CCL26: variants seen among roughly 807,000 people sequenced by gnomAD.
The protein encoded by CCL26 is C-C motif chemokine 26.
A neutral mutation model predicts 10.7 loss-of-function variants in CCL26; 10 were observed. The ratio of observed to expected loss-of-function variants is 0.93; its 90% CI spans 0.57 to 1.58. The LOEUF (loss-of-function observed/expected upper bound fraction) is 1.58. Among genes scored for constraint, CCL26 ranks in the 40% most tolerant of loss-of-function variants. The pLI is 0.00. For missense variants in CCL26, 116 were observed against 111.0 expected (o/e 1.05, Z -0.20); for synonymous variants, 43 against 41.4 (o/e 1.04, Z -0.15).
At chr7:75,779,572 TC>T (rs1334330118) in intron 1 of CCL26, among the ~76,000 whole-genome samples, 1 of 152,182 alleles carries the variant, frequency 6.6e-6, no homozygotes, top group East Asian at 1.9e-4. Context: ...TCAGTTCCTT[TC>T]CTTTTCTGGT....
At chr7:75,789,803 G>A (rs1343405171) in exon 1 of CCL26, 3 of 152,004 alleles carry the variant, frequency 2.0e-5, no homozygotes, top group Admixed American at 1.3e-4. Context: ...GGGATCTGCG[G>A]TACCCCTGGG....
chr7:75,789,406 T>TTCTC (rs145522312), intron 1 of CCL26, among the ~76,000 whole-genome samples: 1 of 150,114 alleles, frequency 6.7e-6, no homozygotes, highest in Admixed American at 6.6e-5. Flanking sequence ...ATGAGAATAT[T>TTCTC]TCTCTCTCTC....
At chr7:75,780,637 A>G (rs971944965) in intron 1 of CCL26, among the ~76,000 whole-genome samples, 2 of 152,010 alleles carry the variant, frequency 1.3e-5, no homozygotes, top group Admixed American at 1.3e-4. Flanking sequence ...TCTTTTACAC[A>G]TCAGTCCCTC....
At chr7:75,787,407 G>A (rs1413100019) in intron 1 of CCL26, among the ~76,000 whole-genome samples, 2 of 152,026 alleles carry the variant, frequency 1.3e-5, no homozygotes, top group African/African-American at 4.8e-5. Flanking sequence ...AACTTTGGGA[G>A]GCTGAGGCGG....
rs185206571 is a variant in CCL26, at chr7:75,789,374, G to A, written c.-79+343C>T. On this transcript the variant is annotated intron_variant, in intron 1 of 3. Coordinates refer to the CCL26 transcript ENST00000394905. ...AATATGGGAGCCATGGCCTCCCTAC[G>A]TTCTCTCCCTCCTTCCTTGAGATGA... 1.4e-4 allele frequency among the ~76,000 whole-genome samples: 21 copies of A among 151,646 alleles called. No individual in the cohort carries two copies. The East Asian group carries it at 1.7e-3, about 13-fold the overall frequency.
intron 2 of CCL26, among the ~76,000 whole-genome samples, chr7:75,771,588 T>G (rs1554528086): frequency 6.6e-6 from 1 of 152,188 alleles, no homozygotes; most frequent in African/African-American, 2.4e-5. Context: ...TGGTGGCATG[T>G]GCCTGTAATT....
chr7:75,780,247 C>A (rs1398221645), intron 1 of CCL26, among the ~76,000 whole-genome samples: 1 of 151,978 alleles, frequency 6.6e-6, no homozygotes, highest in Admixed American at 6.6e-5. Context: ...CATTCCCCAC[C>A]CCTTCTCTCC....
intron 1 of CCL26, among the ~76,000 whole-genome samples, chr7:75,782,067 G>T (rs1172344684): frequency 1.3e-5 from 2 of 152,140 alleles, no homozygotes; most frequent in African/African-American, 2.4e-5. Context: ...ATATCTCACT[G>T]ATTTAAAATT....
chr7:75,783,786 CA>C (rs1318162003), intron 1 of CCL26, among the ~76,000 whole-genome samples: 5,581 of 87,690 alleles, frequency 0.064, 114 homozygotes, highest in Middle Eastern at 0.14. Context: ...GACTCCAGCT[CA>C]AAAAAAAAAA....
At chr7:75,789,047 G>A (rs909698474) in intron 1 of CCL26, among the ~76,000 whole-genome samples, 5 of 150,948 alleles carry the variant, frequency 3.3e-5, no homozygotes, top group Non-Finnish European at 7.4e-5. Flanking sequence ...TTAGCCACCC[G>A]AGTAGCCAGG....
intron 1 of CCL26, among the ~76,000 whole-genome samples, chr7:75,787,781 C>G (rs1310256286): frequency 1.3e-5 from 2 of 151,874 alleles, no homozygotes; most frequent in Non-Finnish European, 2.9e-5. Flanking sequence ...TACACTAAAC[C>G]CCCTTGGACA....
intron 2 of CCL26, among the ~76,000 whole-genome samples, chr7:75,770,610 A>G (rs1387400034): frequency 1.3e-5 from 2 of 150,938 alleles, no homozygotes; most frequent in African/African-American, 4.9e-5. Flanking sequence ...CGAACTCCCA[A>G]CCTCAGGAGA....
chr7:75,781,641 GCCTGT>G lies in CCL26; in HGVS notation c.-79+8071_-79+8075del, dbSNP rs1317253561. Among the ~76,000 whole-genome samples, 3 of 152,132 alleles carry G rather than the reference GCCTGT, an allele frequency of 2.0e-5. No homozygotes were observed. In the South Asian group the frequency reaches 6.2e-4, roughly 32 times the overall value. On this transcript the variant is annotated intron_variant, in intron 1 of 3. Coordinates refer to the CCL26 transcript ENST00000394905. Reference sequence around the variant, plus strand: ...AACAATCACAAAAGAAGTGAAAATGGCCTGTTCCTGCCTTAACTGATGACATTACC... The same window carrying G: ...AACAATCACAAAAGAAGTGAAAATGGTCCTGCCTTAACTGATGACATTACC...
chr7:75,781,783 T>A (rs782567278), intron 1 of CCL26, among the ~76,000 whole-genome samples: 1 of 151,764 alleles, frequency 6.6e-6, no homozygotes, highest in Admixed American at 6.6e-5. Flanking sequence ...GTAATTTTCC[T>A]TTACCTATCC....
At chr7:75,790,199 C>CT (rs1803300172), upstream of CCL26, among the ~76,000 whole-genome samples, 1 of 104,038 alleles carries the variant, frequency 9.6e-6, no homozygotes, top group African/African-American at 3.8e-5. Context: ...TTCTTTCTTT[C>CT]TTTCTTTCTT....
intron 1 of CCL26, among the ~76,000 whole-genome samples, chr7:75,787,219 G>T (rs1459441147): frequency 6.6e-6 from 1 of 152,098 alleles, no homozygotes; most frequent in African/African-American, 2.4e-5. Flanking sequence ...TATACAGTCC[G>T]ATAATGGACT....
chr7:75,788,022 C>T (rs1343650471), intron 1 of CCL26, among the ~76,000 whole-genome samples: 1 of 152,068 alleles, frequency 6.6e-6, no homozygotes, highest in Non-Finnish European at 1.5e-5. Flanking sequence ...CTCTAGGTTC[C>T]CATGCCGCCC....
upstream of CCL26, among the ~76,000 whole-genome samples, chr7:75,791,441 C>T (rs1803331095): frequency 6.6e-6 from 1 of 152,152 alleles, no homozygotes; most frequent in Non-Finnish European, 1.5e-5. Context: ...CAGGCCCTTC[C>T]CTGTGGCTGA....
chr7:75,776,398 G>C (rs78154784), upstream of CCL26, among the ~76,000 whole-genome samples: 37,549 of 151,162 alleles, frequency 0.25, 5,093 homozygotes, highest in South Asian at 0.4. Context: ...AGCTGGGGCT[G>C]GGCATGGTGG....
Sources: allele counts gnomAD v4.1 joint callset (sites outside exome capture counted in the v4.1 genomes callset), GRCh38; gene constraint gnomAD v4.1.1; transcripts MANE v1.5; gene names NCBI Gene and HGNC (gene_info 2026-07-23, HGNC 2026-07-21).